FHAD1: variants seen among roughly 807,000 people sequenced by gnomAD.
FHAD1 encodes the protein forkhead associated phosphopeptide binding domain 1, also known as forkhead-associated domain-containing protein 1.
A neutral mutation model predicts 191.3 loss-of-function variants in FHAD1; 146 were observed. That is an observed-to-expected ratio of 0.76 (90% CI 0.67 to 0.88). The LOEUF (loss-of-function observed/expected upper bound fraction) is 0.88. FHAD1 is among the 40% of genes least tolerant of loss of function. FHAD1 has a pLI of 0.00. For synonymous variants in FHAD1, 616 were observed against 672.3 expected (o/e 0.92, Z 1.29); for missense variants, 1,635 against 1,785.8 (o/e 0.92, Z 1.52).
intron 2 of FHAD1, among the ~76,000 whole-genome samples, chr1:15,253,176 G>A (rs1557919991): frequency 7.2e-6 from 1 of 139,080 alleles, no homozygotes; most frequent in Non-Finnish European, 1.7e-5. Flanking sequence ...GTGTGTGTGT[G>A]TGTGTGTGTC....
At chr1:15,341,477 C>T (rs968238312) in intron 15 of FHAD1, among the ~76,000 whole-genome samples, 5 of 152,204 alleles carry the variant, frequency 3.3e-5, no homozygotes, top group Non-Finnish European at 1.5e-5. Flanking sequence ...ACTTAATCCT[C>T]ACAACTCTAA....
At chr1:15,303,102 G>C (rs750615168) in intron 6 of FHAD1, among the ~76,000 whole-genome samples, 1 of 152,116 alleles carries the variant, frequency 6.6e-6, no homozygotes, top group Non-Finnish European at 1.5e-5. Context: ...CCTCTTTTGC[G>C]CTCTGGGAAT....
intron 14 of FHAD1, among the ~76,000 whole-genome samples, chr1:15,338,667 T>C (rs2102136078): frequency 6.6e-6 from 1 of 152,242 alleles, no homozygotes; most frequent in East Asian, 1.9e-4. Context: ...GCTCTCTGAA[T>C]TCTGCCCACC....
chr1:15,367,139 C>G (rs1202234669), intron 24 of FHAD1, among the ~76,000 whole-genome samples: 1 of 152,134 alleles, frequency 6.6e-6, no homozygotes, highest in African/African-American at 2.4e-5. Context: ...TATATCTGCT[C>G]ACTCTTAGTT....
chr1:15,274,599 A>G (rs4661619), intron 3 of FHAD1, among the ~76,000 whole-genome samples: 88,383 of 150,704 alleles, frequency 0.59, 26,288 homozygotes, highest in East Asian at 0.89. Context: ...GTGACAGAGC[A>G]AGACTCCGCC....
chr1:15,353,704 C>CAAAAAAAAAAACAAACAAA (rs1691662714), intron 20 of FHAD1, among the ~76,000 whole-genome samples: 1 of 60,974 alleles, frequency 1.6e-5, no homozygotes, highest in African/African-American at 6.6e-5. Flanking sequence ...GACTCCATCT[C>CAAAAAAAAAAACAAACAAA]AAAAAAAAAA....
At position 15,325,595 on chromosome 1, in the gene FHAD1, G is replaced by A. The variant is rs1165049927; in HGVS notation, c.1473+1036G>A. 1 of 152,968 alleles carries A rather than the reference G, an allele frequency of 6.5e-6. No homozygotes were observed. Among genetic ancestry groups the A allele is most frequent in the Non-Finnish European group, 1.5e-5 (1 of 68,726 alleles). 9.5% of individuals were successfully genotyped at this position (152,968 alleles called of 1,614,324 possible). On this transcript the variant is annotated intron_variant, in intron 11 of 33. Coordinates refer to ENST00000688493, the MANE Select transcript of FHAD1 (RefSeq NM_001391957.1). The surrounding 1 kb of genome is among the most constrained non-coding windows in gnomAD (Gnocchi z 4.6). Reference sequence around the variant, plus strand: ...GTGGGGGCGCCAGCCCCTTATCAAGGGCAGAGAACCTGCCTGTCTGGGCCT... The same window carrying A: ...GTGGGGGCGCCAGCCCCTTATCAAGAGCAGAGAACCTGCCTGTCTGGGCCT...
intron 4 of FHAD1, among the ~76,000 whole-genome samples, chr1:15,293,547 A>G (rs519060): frequency 0.88 from 133,638 of 151,862 alleles, 58,883 homozygotes; most frequent in East Asian, 0.92. Context: ...GTGAAACCCC[A>G]TCTCTACTAA....
intron 2 of FHAD1, among the ~76,000 whole-genome samples, chr1:15,266,617 T>C (rs565829982): frequency 1.7e-4 from 26 of 152,284 alleles, no homozygotes; most frequent in African/African-American, 6.3e-4. Flanking sequence ...AGAGTTTACA[T>C]TAGGATTCAT....
intron 23 of FHAD1, 133 bp downstream of exon 23, chr1:15,362,859 A>G: frequency 1.5e-6 from 1 of 686,400 alleles, no homozygotes; most frequent in Non-Finnish European, 2.6e-6. Context: ...CTGCCTTCCC[A>G]GTGCTGCTTC....
chr1:15,282,992 C>T (rs1026422286), intron 3 of FHAD1, among the ~76,000 whole-genome samples: 3 of 152,334 alleles, frequency 2.0e-5, no homozygotes, highest in South Asian at 2.1e-4. Flanking sequence ...GTGGCAGGAG[C>T]GGGGCTGCTA....
At chr1:15,249,079 T>C (rs779359166) in intron 1 of FHAD1, among the ~76,000 whole-genome samples, 1 of 152,016 alleles carries the variant, frequency 6.6e-6, no homozygotes, top group Non-Finnish European at 1.5e-5. Flanking sequence ...AACAACACAG[T>C]TTGGGCTCTC....
chr1:15,373,617 C>A (rs770590731), intron 26 of FHAD1, among the ~76,000 whole-genome samples: 9 of 152,198 alleles, frequency 5.9e-5, no homozygotes, highest in Admixed American at 5.9e-4. Context: ...CCTTGGGAGG[C>A]GGAAGCAGGA....
Position 15,317,836 on chromosome 1 carries a change from A to T in FHAD1, c.1273A>T (p.Met425Leu), listed in dbSNP as rs1386545095. The T allele has an allele frequency of 2.6e-6, 4 of 1,551,494 alleles. No homozygotes were observed. The highest frequency in any genetic ancestry group is 3.5e-6 in the Non-Finnish European group (4 of 1,146,836). ...LKLCKTQIQD[M>L]EKEMKKLRAE... ...GAAACTTTTTCAGCAAATCCAAGAC[A>T]TGGAGAAAGAAATGAAGAAGCTTAG... Residue 425 changes from methionine to leucine, a missense_variant, in exon 10 of 34, where the codon ATG (methionine) becomes TTG (leucine). Physicochemically the swap from Met to Leu is conservative, Grantham distance 15. Coordinates refer to ENST00000688493, the MANE Select transcript of FHAD1 (RefSeq NM_001391957.1).
chr1:15,369,321 A>G (rs1304421717), intron 25 of FHAD1, 49 bp from the exon 26 acceptor site: 2 of 1,547,258 alleles, frequency 1.3e-6, no homozygotes, highest in South Asian at 1.2e-5. Context: ...GTGTAAAAGT[A>G]ATTTGTGGTT....
Position 15,311,992 on chromosome 1 carries a change from G to A in FHAD1, c.1040-1065G>A, listed in dbSNP as rs1011125916. 8.5e-5 allele frequency: 13 copies of A among 152,398 alleles called. No homozygotes were observed. The highest frequency in any genetic ancestry group is 3.1e-4 in the African/African-American group (13 of 41,590). 9.4% of individuals were successfully genotyped at this position (152,398 alleles called of 1,614,324 possible). A position where few individuals can be genotyped will look rare whatever the true frequency, so the allele number is the denominator to read the frequency against. On this transcript the variant is annotated intron_variant, in intron 7 of 33. Transcript: ENST00000688493. This position sits in a 1 kb window ranked among gnomAD's most constrained non-coding sequence, Gnocchi z 4.1. ...TCGCTCACATGGCTGTTGGCTGGAG[G>A]CCTCAGTTCCTCACCATGTGTGTCC... is the stretch of plus-strand genomic sequence containing the variant.
chr1:15,364,801 C>G (rs1455737114), intron 23 of FHAD1, among the ~76,000 whole-genome samples: 1 of 152,102 alleles, frequency 6.6e-6, no homozygotes, highest in Non-Finnish European at 1.5e-5. Flanking sequence ...TCTCAACTTG[C>G]TGAGACATGC....
intron 31 of FHAD1, among the ~76,000 whole-genome samples, chr1:15,382,500 C>G (rs529703173): frequency 5.9e-5 from 9 of 152,260 alleles, no homozygotes; most frequent in African/African-American, 1.9e-4. Context: ...CATAAGCTCT[C>G]AGAGAGTGGA....
At chr1:15,349,671 C>T (rs1157594552) in intron 19 of FHAD1, among the ~76,000 whole-genome samples, 1 of 152,172 alleles carries the variant, frequency 6.6e-6, no homozygotes, top group African/African-American at 2.4e-5. Flanking sequence ...ACAAAGAGCA[C>T]AAAGAGAGAT....
Sources: gnomAD v4.1 joint callset for allele counts (sites outside exome capture counted in the v4.1 genomes callset) on GRCh38, gnomAD v4.1.1 for gene constraint, Gnocchi (gnomAD v3.1) non-coding constraint, MANE v1.5 for transcripts, NCBI Gene and HGNC (gene_info 2026-07-23, HGNC 2026-07-21) for gene names.